SMG6: variants seen among roughly 807,000 people sequenced by gnomAD.
SMG6 encodes telomerase-binding protein EST1A.
A neutral mutation model predicts 142.2 loss-of-function variants in SMG6; 66 were observed. The observed-to-expected ratio is 0.46, with a 90% CI of 0.38 to 0.57. SMG6 has a LOEUF of 0.57. SMG6 is among the 20% of genes least tolerant of loss of function. The probability of loss-of-function intolerance (pLI) is 0.00; values close to 1 mark genes in which losing one functional copy is unlikely to be tolerated. For synonymous variants in SMG6, 779 were observed against 702.4 expected, an observed-to-expected ratio of 1.11 and a Z score of -1.72; for missense variants, 1,793 against 1,832.0, an observed-to-expected ratio of 0.98 and a Z score of 0.39.
intron 8 of SMG6, 21 bp from the exon 9 acceptor site, chr17:2,244,740 G>A: frequency 1.1e-5 from 18 of 1,605,616 alleles, no homozygotes; most frequent in Non-Finnish European, 1.5e-5. Flanking sequence ...AAAAGGGAGA[G>A]GAGAAAACAA....
chr17:2,191,615 A>G (rs1468161953), intron 10 of SMG6, among the ~76,000 whole-genome samples: 1 of 152,202 alleles, frequency 6.6e-6, no homozygotes, highest in Non-Finnish European at 1.5e-5. Flanking sequence ...GGTTTTGGCT[A>G]AGGAAGTCAG....
At chr17:2,295,129 T>C (rs2075118451) in intron 4 of SMG6, among the ~76,000 whole-genome samples, 1 of 152,084 alleles carries the variant, frequency 6.6e-6, no homozygotes, top group African/African-American at 2.4e-5. Flanking sequence ...CTGCCTGCCT[T>C]GGCCTCCCAA....
intron 13 of SMG6, among the ~76,000 whole-genome samples, chr17:2,106,636 G>C (rs774050777): frequency 5.3e-5 from 8 of 152,142 alleles, no homozygotes; most frequent in Non-Finnish European, 1.0e-4. Context: ...AGACCCAGCC[G>C]ATTATGAGAG....
intron 13 of SMG6, among the ~76,000 whole-genome samples, chr17:2,148,633 C>A (rs141076914): frequency 6.6e-6 from 1 of 152,038 alleles, no homozygotes; most frequent in Non-Finnish European, 1.5e-5. Context: ...CCAAGGCGGG[C>A]GGATCACTTG....
At chr17:2,208,122 G>A (rs1000809879) in intron 10 of SMG6, among the ~76,000 whole-genome samples, 7 of 151,942 alleles carry the variant, frequency 4.6e-5, no homozygotes, top group Non-Finnish European at 8.8e-5. Flanking sequence ...GAGGGAGACC[G>A]TGTCTCTCTA....
Position 2,185,236 on chromosome 17 carries a change from C to T in SMG6, c.3155+1427G>A, listed in dbSNP as rs117832132. Among the ~76,000 whole-genome samples the T allele has an allele frequency of 7.2e-4, 109 of 152,172 alleles. 1 individual carries two copies. In the East Asian group the frequency reaches 0.02, roughly 27 times the overall value. ...CACAGACAGACATGGACCAGGCACACGGAAAGACCCCTAGACAAGCGCCCA... is the reference window on the plus strand; with the variant it reads ...CACAGACAGACATGGACCAGGCACATGGAAAGACCCCTAGACAAGCGCCCA... On this transcript the variant is annotated intron_variant, in intron 12 of 18. Transcript: ENST00000263073.
chr17:2,216,977 A>G (rs904318809), intron 10 of SMG6, among the ~76,000 whole-genome samples: 5 of 152,240 alleles, frequency 3.3e-5, no homozygotes, highest in Admixed American at 2.0e-4. Flanking sequence ...CAAGTTCAAA[A>G]TAAGAAACAG....
intron 9 of SMG6, chr17:2,236,860 C>A: frequency 4.9e-6 from 6 of 1,231,086 alleles, no homozygotes; most frequent in Non-Finnish European, 6.1e-6. Flanking sequence ...TCCAGAGATG[C>A]AAACAACTCA....
chr17:2,303,640 C>T lies in SMG6; in HGVS notation c.81G>A (p.Gly27=), dbSNP rs1597252267. ...GILATLAPQA[G]SRENMKELKE... ...CTGGGCGGCGCGACTCACCTCTGCT[C>T]CCGGCCTGCGGGGCCAGAGTAGCCA... is the stretch of plus-strand genomic sequence containing the variant. Residue 27 remains glycine (G), a synonymous_variant, in exon 1 of 19, where the codon GGG becomes GGA. Coordinates refer to ENST00000263073, the MANE Select transcript of SMG6 (RefSeq NM_017575.5). 6.7e-7 allele frequency: 1 copy of T among 1,485,752 alleles called. No homozygotes were observed. The highest frequency in any genetic ancestry group is 8.9e-7 in the Non-Finnish European group (1 of 1,124,754). The allele number at this position is 1,485,752 out of a possible 1,614,324, so 92.0% of individuals were successfully genotyped here. A position where few individuals can be genotyped will look rare whatever the true frequency, so the allele number is the denominator to read the frequency against.
At chr17:2,286,306 C>A (rs1438513874) in intron 6 of SMG6, among the ~76,000 whole-genome samples, 1 of 98,946 alleles carries the variant, frequency 1.0e-5, no homozygotes, top group Admixed American at 1.1e-4. Context: ...CCTCAAATGG[C>A]CAAAAAAAAA....
At chr17:2,142,601 TG>T (rs1398208900) in intron 13 of SMG6, among the ~76,000 whole-genome samples, 1 of 150,668 alleles carries the variant, frequency 6.6e-6, no homozygotes, top group Non-Finnish European at 1.5e-5. Context: ...TAGGCAAATA[TG>T]GCCGGGCACA....
chr17:2,214,734 C>T (rs953369616), intron 10 of SMG6, among the ~76,000 whole-genome samples: 2 of 152,196 alleles, frequency 1.3e-5, no homozygotes, highest in Non-Finnish European at 2.9e-5. Flanking sequence ...GTCTCCTGGA[C>T]TTTGATAAAT....
chr17:2,283,603 G>A (rs1177727850), intron 7 of SMG6, 22 bp downstream of exon 7: 2 of 1,574,048 alleles, frequency 1.3e-6, no homozygotes, highest in African/African-American at 1.4e-5. Context: ...GGAAGGAAGG[G>A]TTCTGCCACA....
At chr17:2,092,082 T>A (rs1314257524) in intron 13 of SMG6, among the ~76,000 whole-genome samples, 1 of 151,678 alleles carries the variant, frequency 6.6e-6, no homozygotes, top group Non-Finnish European at 1.5e-5. Context: ...GCCTCCCGGG[T>A]TGAAGCGATT....
intron 15 of SMG6, among the ~76,000 whole-genome samples, chr17:2,080,770 G>A (rs1360578744): frequency 1.3e-5 from 2 of 151,972 alleles, no homozygotes; most frequent in Non-Finnish European, 2.9e-5. Flanking sequence ...TGAGTAGCTG[G>A]GATTACAGGT....
intron 4 of SMG6, among the ~76,000 whole-genome samples, chr17:2,296,802 T>C (rs2075151485): frequency 6.6e-6 from 1 of 152,092 alleles, no homozygotes; most frequent in Non-Finnish European, 1.5e-5. Context: ...GAGACCAGCC[T>C]GGGCAACATG....
At position 2,173,050 on chromosome 17, in the gene SMG6, G is replaced by C. The variant is rs780038611; in HGVS notation, c.3156-191C>G. ...GCAGCAATCTGAGGTATGTGTATGT[G>C]GATTTATGCAAAGTTGAAATTGATT... is the stretch of plus-strand genomic sequence containing the variant. On this transcript the variant is annotated intron_variant, in intron 12 of 18. Transcript: ENST00000263073. 17 of 605,688 alleles carry C rather than the reference G, an allele frequency of 2.8e-5. 1 individual carries two copies. The South Asian group carries it at 3.4e-4, about 12-fold the overall frequency. The allele number at this position is 605,688 out of a possible 1,614,324, so 37.5% of individuals were successfully genotyped here.
chr17:2,258,335 C>T (rs1341048410), intron 8 of SMG6, among the ~76,000 whole-genome samples: 3 of 152,016 alleles, frequency 2.0e-5, no homozygotes, highest in Non-Finnish European at 4.4e-5. Flanking sequence ...GCAGGCAGAT[C>T]AACGGAGGTC....
intron 13 of SMG6, among the ~76,000 whole-genome samples, chr17:2,116,942 A>C (rs2069525982): frequency 6.6e-6 from 1 of 152,160 alleles, no homozygotes; most frequent in South Asian, 2.1e-4. Flanking sequence ...GAGGGTATTC[A>C]AATGGCCAAT....
Sources: allele counts gnomAD v4.1 joint callset (sites outside exome capture counted in the v4.1 genomes callset), GRCh38; gene constraint gnomAD v4.1.1; transcripts MANE v1.5; gene names NCBI Gene and HGNC (gene_info 2026-07-23, HGNC 2026-07-21).